FHIT: variants seen among roughly 807,000 people sequenced by gnomAD.
FHIT encodes the protein fragile histidine triad diadenosine triphosphatase.
In FHIT, 19 loss-of-function variants were observed where a neutral mutation model predicts 17.9. That is an observed-to-expected ratio of 1.06 (90% CI 0.74 to 1.56). The LOEUF (loss-of-function observed/expected upper bound fraction) is 1.56, where lower values mean the gene tolerates loss of function less well. FHIT is among the 40% of genes most tolerant of loss of function. The pLI, the probability that FHIT is intolerant of heterozygous loss-of-function variation, is 0.00. For synonymous variants in FHIT, 81 were observed against 69.7 expected (o/e 1.16, Z -0.81); for missense variants, 248 against 189.2 (o/e 1.31, Z -1.82).
intron 8 of FHIT, among the ~76,000 whole-genome samples, chr3:59,761,281 A>G (rs1217830922): frequency 1.3e-5 from 2 of 152,170 alleles, no homozygotes; most frequent in African/African-American, 4.8e-5. Context: ...GGTAAAAACA[A>G]AATCTTCCTG....
In FHIT at chr3:60,188,939, G is replaced by C. The variant is rs116864185; in HGVS notation, c.104-174787C>G. On this transcript the variant is annotated intron_variant, in intron 5 of 9. Transcript: ENST00000492590. ...AGATTACACTTCTATTCATCTAAAA[G>C]AAGGACACTAATATGAGCACTGTAG... 1.7e-4 allele frequency among the ~76,000 whole-genome samples: 26 copies of C among 152,194 alleles called. No individual in the cohort carries two copies. The East Asian group carries it at 5.0e-3, about 29-fold the overall frequency.
At chr3:60,781,024 A>G (rs1700367951) in intron 4 of FHIT, among the ~76,000 whole-genome samples, 1 of 152,142 alleles carries the variant, frequency 6.6e-6, no homozygotes, top group South Asian at 2.1e-4. Flanking sequence ...TTTCTTGGCC[A>G]TGGGACAGAC....
intron 4 of FHIT, among the ~76,000 whole-genome samples, chr3:60,698,119 T>G (rs192560092): frequency 2.7e-4 from 41 of 152,310 alleles, no homozygotes; most frequent in Non-Finnish European, 5.4e-4. Flanking sequence ...AATTAAATTA[T>G]TTGTAAAAGC....
intron 3 of FHIT, among the ~76,000 whole-genome samples, chr3:60,950,805 G>A (rs542291239): frequency 1.3e-5 from 2 of 151,628 alleles, no homozygotes; most frequent in East Asian, 2.0e-4. Flanking sequence ...TTACAGGCGT[G>A]AGCCACCATG....
chr3:60,568,096 C>A (rs4679552), intron 4 of FHIT, among the ~76,000 whole-genome samples: 56,125 of 151,964 alleles, frequency 0.37, 10,662 homozygotes, highest in Admixed American at 0.48. Context: ...GCCCAGCAAT[C>A]CCATTACTGA....
chr3:61,246,075 C>G (rs140370023), intron 1 of FHIT, among the ~76,000 whole-genome samples: 2 of 152,342 alleles, frequency 1.3e-5, no homozygotes, highest in African/African-American at 4.8e-5. Context: ...CACTGCTATA[C>G]TCCCTCCAGC....
At chr3:60,717,164 G>A (rs2041703567) in intron 4 of FHIT, among the ~76,000 whole-genome samples, 1 of 152,154 alleles carries the variant, frequency 6.6e-6, no homozygotes, top group African/African-American at 2.4e-5. Context: ...AAAAAATGGG[G>A]AGGTGTTGGT....
rs573109343 is a variant in FHIT at position 60,944,158 on chromosome 3, T to C, written c.-111+97889A>G. On this transcript the variant is annotated intron_variant, in intron 3 of 9. Transcript: ENST00000492590. ...AGTATAAGTTAAGAAATTTGAACTT[T>C]ACCCTACAGCTCAGTGTTTCTCAAA... 4.6e-5 allele frequency among the ~76,000 whole-genome samples: 7 copies of C among 152,322 alleles called. No homozygotes were observed. The East Asian group carries it at 1.3e-3, about 29-fold the overall frequency.
intron 4 of FHIT, among the ~76,000 whole-genome samples, chr3:60,762,400 A>T (rs2142294): frequency 0.49 from 74,142 of 152,030 alleles, 21,287 homozygotes; most frequent in African/African-American, 0.81. Context: ...CTTTTGCCCA[A>T]GATCCTTCCC....
At chr3:61,038,800 A>T (rs1575887714) in intron 3 of FHIT, among the ~76,000 whole-genome samples, 1 of 152,220 alleles carries the variant, frequency 6.6e-6, no homozygotes, top group East Asian at 1.9e-4. Context: ...CTAGGTATAC[A>T]ACCTGCTTGA....
At chr3:61,089,661 G>C (rs1035250438) in intron 2 of FHIT, among the ~76,000 whole-genome samples, 2 of 152,142 alleles carry the variant, frequency 1.3e-5, no homozygotes, top group Admixed American at 6.5e-5. Context: ...TGAACTCTGG[G>C]GCAAGGAGAG....
chr3:60,126,918 G>A (rs62240241), intron 5 of FHIT, among the ~76,000 whole-genome samples: 62,245 of 151,954 alleles, frequency 0.41, 13,040 homozygotes, highest in Non-Finnish European at 0.45. Flanking sequence ...CCTGCAGGGA[G>A]GTGCGCGCTT....
At chr3:60,741,959 G>T (rs1487976464) in intron 4 of FHIT, among the ~76,000 whole-genome samples, 1 of 152,196 alleles carries the variant, frequency 6.6e-6, no homozygotes, top group Non-Finnish European at 1.5e-5. Context: ...TAAGACAGCA[G>T]GTCAGAAGGT....
At chr3:59,916,317 C>T (rs781252470) in intron 8 of FHIT, among the ~76,000 whole-genome samples, 3 of 152,050 alleles carry the variant, frequency 2.0e-5, no homozygotes, top group Admixed American at 6.5e-5. Flanking sequence ...CAGGGGCTCT[C>T]GGGCCTTCAG....
At chr3:61,044,850 T>A (rs2033706286) in intron 2 of FHIT, among the ~76,000 whole-genome samples, 2 of 152,128 alleles carry the variant, frequency 1.3e-5, no homozygotes, top group Admixed American at 1.3e-4. Context: ...AGAAAAGAAT[T>A]TTCAACCCAG....
At chr3:60,601,432 C>T (rs989588833) in intron 4 of FHIT, among the ~76,000 whole-genome samples, 17 of 152,274 alleles carry the variant, frequency 1.1e-4, no homozygotes, top group African/African-American at 3.8e-4. Flanking sequence ...TTCTGAAAAT[C>T]AGTCATCTTT....
At chr3:60,204,113 T>G (rs1231663478) in intron 5 of FHIT, among the ~76,000 whole-genome samples, 1 of 152,132 alleles carries the variant, frequency 6.6e-6, no homozygotes, top group African/African-American at 2.4e-5. Flanking sequence ...GGAAAAATGC[T>G]TAGGGAGATG....
intron 5 of FHIT, among the ~76,000 whole-genome samples, chr3:60,169,446 G>A (rs1178662261): frequency 1.3e-5 from 2 of 152,156 alleles, no homozygotes; most frequent in African/African-American, 4.8e-5. Flanking sequence ...TCATTGCATA[G>A]GGAGGCAACG....
At chr3:60,967,575 G>T (rs919168460) in intron 3 of FHIT, among the ~76,000 whole-genome samples, 4 of 152,158 alleles carry the variant, frequency 2.6e-5, no homozygotes, top group Non-Finnish European at 5.9e-5. Context: ...ATATGGTTTT[G>T]GAGTGCAAGT....
Sources: gnomAD v4.1 joint callset for allele counts (sites outside exome capture counted in the v4.1 genomes callset) on GRCh38, gnomAD v4.1.1 for gene constraint, MANE v1.5 for transcripts, NCBI Gene and HGNC (gene_info 2026-07-23, HGNC 2026-07-21) for gene names.